Variants in EXOC2 observed in about 807,000 individuals in gnomAD.
EXOC2 encodes exocyst complex component 2, also known as SEC5-like 1.
In EXOC2, 70 loss-of-function variants were observed where a neutral mutation model predicts 131.8. The observed-to-expected ratio is 0.53, with a 90% CI of 0.44 to 0.65. The LOEUF is 0.65. Among genes scored for constraint, EXOC2 ranks in the 30% least tolerant of loss-of-function variants. The probability of loss-of-function intolerance (pLI) is 0.00; values close to 1 mark genes in which losing one functional copy is unlikely to be tolerated. For missense variants in EXOC2, 923 were observed against 1,108.6 expected, an observed-to-expected ratio of 0.83 and a Z score of 2.38; for synonymous variants, 411 against 398.4, an observed-to-expected ratio of 1.03 and a Z score of -0.38.
intron 11 of EXOC2, among the ~76,000 whole-genome samples, chr6:579,506 G>A (rs758035947): frequency 2.4e-4 from 36 of 152,190 alleles, no homozygotes; most frequent in Admixed American, 8.5e-4. Flanking sequence ...GAATACATTC[G>A]GAAGATGTAT....
chr6:656,839 G>A (rs764998131), intron 1 of EXOC2: 7 of 1,610,760 alleles, frequency 4.3e-6, no homozygotes, highest in Non-Finnish European at 5.9e-6. Flanking sequence ...AGGCTGTCAG[G>A]GCGCACGCGG....
At chr6:599,005 T>A in intron 8 of EXOC2, 64 bp from the exon 9 acceptor site, 1 of 1,564,570 alleles carries the variant, frequency 6.4e-7, no homozygotes, top group Non-Finnish European at 8.7e-7. Flanking sequence ...TTGGTTAATA[T>A]AAAAAACATC....
At chr6:494,422 CA>C (rs1488219382) in intron 25 of EXOC2, among the ~76,000 whole-genome samples, 1 of 143,414 alleles carries the variant, frequency 7.0e-6, no homozygotes, top group Non-Finnish European at 1.5e-5. Flanking sequence ...TCATTAACTA[CA>C]GTGGACTATT....
intron 3 of EXOC2, among the ~76,000 whole-genome samples, chr6:630,174 C>A (rs114994665): frequency 0.017 from 2,605 of 152,260 alleles, 90 homozygotes; most frequent in African/African-American, 0.06. Context: ...AAAAATTACA[C>A]CTCTCAGCTT....
intron 1 of EXOC2, among the ~76,000 whole-genome samples, chr6:677,536 T>A (rs1408250756): frequency 6.6e-6 from 1 of 152,202 alleles, no homozygotes; most frequent in Non-Finnish European, 1.5e-5. Context: ...GTACTTAATT[T>A]TTTTTTGAGA....
intron 14 of EXOC2, 57 bp downstream of exon 14, chr6:564,807 G>T: frequency 6.3e-7 from 1 of 1,583,926 alleles, no homozygotes; most frequent in South Asian, 1.2e-5. Flanking sequence ...AATACAAAGT[G>T]AGAAAGGAAA....
intron 7 of EXOC2, among the ~76,000 whole-genome samples, chr6:602,742 C>A (rs181042282): frequency 6.6e-4 from 101 of 152,346 alleles, no homozygotes; most frequent in Non-Finnish European, 1.2e-3. Context: ...CTGTCTCGGT[C>A]ACACAGGAAC....
At chr6:602,842 A>G (rs1760177588) in intron 7 of EXOC2, among the ~76,000 whole-genome samples, 1 of 152,208 alleles carries the variant, frequency 6.6e-6, no homozygotes, top group Non-Finnish European at 1.5e-5. Context: ...CTACAGTGCA[A>G]GATGGGAAGG....
rs1420876209 is a variant in EXOC2, at chr6:619,464, C to T, written c.502G>A (p.Ala168Thr). The T allele has an allele frequency of 6.2e-7, 1 of 1,614,078 alleles. No homozygotes were observed. The highest frequency in any genetic ancestry group is 2.2e-5 in the East Asian group (1 of 44,874). The part of the protein sequence containing the change: ...ADFTSENFSA[A>T]WYLIENHSNT... ...GAGTGATTCTCTATAAGATACCAGGCTGCTGAGAAATTCTCACTTGTAAAA... is the reference window on the plus strand; with the variant it reads ...GAGTGATTCTCTATAAGATACCAGGTTGCTGAGAAATTCTCACTTGTAAAA... The change falls in exon 5 of 28, where the codon GCC becomes ACC. Residue 168 changes from alanine (A) to threonine (T), a missense_variant. Physicochemically the swap from Ala to Thr is moderately conservative, Grantham distance 58. Transcript: ENST00000230449.
intron 1 of EXOC2, among the ~76,000 whole-genome samples, chr6:678,384 T>G (rs182628935): frequency 6.6e-6 from 1 of 152,336 alleles, no homozygotes. Context: ...CAAAGATCTC[T>G]GCAAACTTTA....
At chr6:522,484 G>A (rs577604378) in intron 23 of EXOC2, among the ~76,000 whole-genome samples, 1 of 151,438 alleles carries the variant, frequency 6.6e-6, no homozygotes, top group Non-Finnish European at 1.5e-5. Context: ...GCAGGACAGC[G>A]TGTGGGGAGC....
In EXOC2 at chr6:486,402, T is replaced by G. The variant is rs1581269969; in HGVS notation, c.*269A>C. 6 of 321,770 alleles carry G rather than the reference T, an allele frequency of 1.9e-5. No individual in the cohort carries two copies. The South Asian group carries it at 2.0e-4, about 11-fold the overall frequency. The allele number at this position is 321,770 out of a possible 1,614,324, so 19.9% of individuals were successfully genotyped here. ...GCAGCTCTTCCTGCAGCACTCAACC[T>G]TCTGCTGAGATGCAAAATATATTTT... is the stretch of plus-strand genomic sequence containing the variant. On this transcript the variant is annotated 3_prime_UTR_variant, in exon 28 of 28. Coordinates refer to ENST00000230449, the MANE Select transcript of EXOC2 (RefSeq NM_018303.6).
chr6:570,257 C>A (rs1334462354), intron 13 of EXOC2, among the ~76,000 whole-genome samples: 1 of 150,820 alleles, frequency 6.6e-6, no homozygotes, highest in African/African-American at 2.4e-5. Context: ...CCTCAGCCTC[C>A]CGAGTAGCTG....
chr6:573,784 G>A (rs946143754), intron 12 of EXOC2, among the ~76,000 whole-genome samples: 117 of 152,012 alleles, frequency 7.7e-4, no homozygotes, highest in African/African-American at 2.5e-3. Flanking sequence ...ACACCTGAAA[G>A]GTACACAGTG....
chr6:556,340 C>T, intron 18 of EXOC2, 144 bp downstream of exon 18: 1 of 855,164 alleles, frequency 1.2e-6, no homozygotes, highest in Non-Finnish European at 1.8e-6. Flanking sequence ...AATCGGAAAT[C>T]AGCACATCTA....
intron 1 of EXOC2, among the ~76,000 whole-genome samples, chr6:644,191 G>A (rs930826044): frequency 1.3e-5 from 2 of 152,138 alleles, no homozygotes; most frequent in East Asian, 1.9e-4. Context: ...AGCAAGGCCA[G>A]TTTTTCAGAC....
chr6:535,072 C>T (rs1231384469), intron 22 of EXOC2, among the ~76,000 whole-genome samples: 2 of 151,598 alleles, frequency 1.3e-5, no homozygotes, highest in Admixed American at 1.3e-4. Context: ...ATTTTCTGCC[C>T]CAAGTATCTA....
intron 7 of EXOC2, among the ~76,000 whole-genome samples, chr6:599,600 G>A (rs1431554908): frequency 1.3e-5 from 2 of 152,078 alleles, no homozygotes; most frequent in African/African-American, 2.4e-5. Flanking sequence ...GTGCATACAC[G>A]TGTACATTAG....
intron 22 of EXOC2, among the ~76,000 whole-genome samples, chr6:546,526 C>T (rs1255246199): frequency 3.9e-5 from 6 of 152,148 alleles, no homozygotes; most frequent in African/African-American, 1.2e-4. Context: ...CGGGTCTGAA[C>T]TATGTGGGTC....
Sources: allele counts gnomAD v4.1 joint callset (sites outside exome capture counted in the v4.1 genomes callset), GRCh38; gene constraint gnomAD v4.1.1; transcripts MANE v1.5; gene names NCBI Gene and HGNC (gene_info 2026-07-23, HGNC 2026-07-21).